CNTNAP2: variants seen among roughly 807,000 people sequenced by gnomAD.
CNTNAP2 encodes the protein contactin-associated protein-like 2.
In CNTNAP2, 98 loss-of-function variants were observed where a neutral mutation model predicts 155.2. That is an observed-to-expected ratio of 0.63 (90% CI 0.54 to 0.75). The LOEUF is 0.75. CNTNAP2 is among the 30% of genes least tolerant of loss of function. The pLI, the probability that CNTNAP2 is intolerant of heterozygous loss-of-function variation, is 0.00. For missense variants in CNTNAP2, 1,727 were observed against 1,688.1 expected (o/e 1.02, Z -0.40); for synonymous variants, 651 against 631.2 (o/e 1.03, Z -0.47).
chr7:147,855,246 A>C (rs1342493859), intron 13 of CNTNAP2, among the ~76,000 whole-genome samples: 1 of 152,076 alleles, frequency 6.6e-6, no homozygotes, highest in Non-Finnish European at 1.5e-5. Context: ...GGGGAGAAGG[A>C]GAAAACCTTC....
intron 10 of CNTNAP2, among the ~76,000 whole-genome samples, chr7:147,470,733 A>G (rs565498085): frequency 6.6e-6 from 1 of 152,198 alleles, no homozygotes; most frequent in East Asian, 1.9e-4. Flanking sequence ...TTCAGAGGCA[A>G]AAATATGCTT....
intron 8 of CNTNAP2, among the ~76,000 whole-genome samples, chr7:147,262,231 A>C (rs1283106245): frequency 1.3e-5 from 2 of 152,216 alleles, no homozygotes; most frequent in African/African-American, 4.8e-5. Context: ...AAAAACCTGC[A>C]ATGATTTTAC....
chr7:147,647,725 T>C (rs1795390822), intron 13 of CNTNAP2, among the ~76,000 whole-genome samples: 1 of 152,134 alleles, frequency 6.6e-6, no homozygotes, highest in Non-Finnish European at 1.5e-5. Context: ...AAAACACTAA[T>C]TTTAAAAGGG....
At chr7:146,499,285 C>T (rs773149594) in intron 1 of CNTNAP2, among the ~76,000 whole-genome samples, 4 of 152,126 alleles carry the variant, frequency 2.6e-5, no homozygotes, top group Non-Finnish European at 4.4e-5. Context: ...TGGGTTCAAG[C>T]GATTCTCCTG....
intron 11 of CNTNAP2, among the ~76,000 whole-genome samples, chr7:147,550,901 A>G (rs938043242): frequency 4.6e-5 from 7 of 152,212 alleles, no homozygotes; most frequent in Admixed American, 3.3e-4. Context: ...TTAAACCACA[A>G]TGCTGTAAGA....
chr7:147,585,779 GTGTGTGTGTGTATATA>G (rs1326338366), intron 12 of CNTNAP2, among the ~76,000 whole-genome samples: 4 of 151,318 alleles, frequency 2.6e-5, no homozygotes, highest in Non-Finnish European at 5.9e-5. Context: ...ATATATATGT[GTGTGTGTGTGTATATA>G]TGTGTGTGTG....
intron 12 of CNTNAP2, among the ~76,000 whole-genome samples, chr7:147,565,595 T>C (rs1800155546): frequency 6.6e-6 from 1 of 152,078 alleles, no homozygotes; most frequent in African/African-American, 2.4e-5. Context: ...TGATGAGAAA[T>C]TGATACATTT....
intron 8 of CNTNAP2, among the ~76,000 whole-genome samples, chr7:147,271,483 T>G (rs1391862005): frequency 6.6e-6 from 1 of 152,164 alleles, no homozygotes; most frequent in Non-Finnish European, 1.5e-5. Context: ...TTATCCCTAA[T>G]GCATGCTCTG....
intron 3 of CNTNAP2, among the ~76,000 whole-genome samples, chr7:147,036,364 A>G (rs1382959041): frequency 6.6e-6 from 1 of 152,196 alleles, no homozygotes; most frequent in East Asian, 1.9e-4. Context: ...AACTTCAGGG[A>G]TGTTTATTCT....
At chr7:147,234,101 C>A (rs1385273608) in intron 8 of CNTNAP2, among the ~76,000 whole-genome samples, 2 of 150,284 alleles carry the variant, frequency 1.3e-5, no homozygotes, top group African/African-American at 4.9e-5. Context: ...GATTTTATAA[C>A]CTCAAACTCA....
intron 8 of CNTNAP2, among the ~76,000 whole-genome samples, chr7:147,194,622 T>C (rs561063058): frequency 5.2e-4 from 79 of 152,334 alleles, no homozygotes; most frequent in African/African-American, 1.9e-3. Context: ...CCCTTCTCAC[T>C]GGAATGAGAT....
chr7:147,533,194 A>G (rs559996218), intron 11 of CNTNAP2, among the ~76,000 whole-genome samples: 1 of 152,330 alleles, frequency 6.6e-6, no homozygotes, highest in African/African-American at 2.4e-5. Flanking sequence ...TTGATCTTAG[A>G]AAAAACTAAA....
intron 15 of CNTNAP2, among the ~76,000 whole-genome samples, chr7:148,039,460 T>C (rs1322947144): frequency 3.9e-5 from 6 of 152,070 alleles, no homozygotes; most frequent in Admixed American, 2.0e-4. Flanking sequence ...CACCCAGAAA[T>C]AATTTTTACC....
At chr7:147,226,391 T>C (rs1803543452) in intron 8 of CNTNAP2, among the ~76,000 whole-genome samples, 1 of 152,072 alleles carries the variant, frequency 6.6e-6, no homozygotes, top group African/African-American at 2.4e-5. Flanking sequence ...GAGAACATGG[T>C]CTAAAAACAA....
In CNTNAP2 at chr7:146,132,386, A is replaced by G. The variant is rs916106466; in HGVS notation, c.97+15413A>G. ...ATTCAGTAAATCTGGAGTGGAACCT[A>G]TAATGTAACATTTATTTATTTATTT... On this transcript the variant is annotated intron_variant, in intron 1 of 23. Transcript: ENST00000361727. Among the ~76,000 whole-genome samples, 13 of 152,118 alleles carry G rather than the reference A, an allele frequency of 8.5e-5. No individual in the cohort carries two copies. The East Asian group carries it at 1.7e-3, about 20-fold the overall frequency.
At chr7:147,875,539 C>T (rs972399085) in intron 13 of CNTNAP2, among the ~76,000 whole-genome samples, 1 of 152,006 alleles carries the variant, frequency 6.6e-6, no homozygotes, top group Non-Finnish European at 1.5e-5. Context: ...AGAGCCAAAC[C>T]ATATCAAAAA....
intron 1 of CNTNAP2, among the ~76,000 whole-genome samples, chr7:146,728,864 G>A (rs1801477427): frequency 6.6e-6 from 1 of 152,122 alleles, no homozygotes; most frequent in Non-Finnish European, 1.5e-5. Flanking sequence ...CATAGAAGGG[G>A]ATGGCCTCTT....
intron 13 of CNTNAP2, among the ~76,000 whole-genome samples, chr7:147,893,956 C>T (rs1033703933): frequency 2.0e-5 from 3 of 152,170 alleles, no homozygotes; most frequent in African/African-American, 4.8e-5. Context: ...TTCCTGGAAG[C>T]GTACACATCC....
chr7:148,131,584 A>G (rs1051715737), intron 16 of CNTNAP2, among the ~76,000 whole-genome samples: 3 of 152,258 alleles, frequency 2.0e-5, no homozygotes, highest in Non-Finnish European at 4.4e-5. Context: ...GACAGACGGA[A>G]GAAAGATATG....
Sources: allele counts gnomAD v4.1 joint callset (sites outside exome capture counted in the v4.1 genomes callset), GRCh38; gene constraint gnomAD v4.1.1; transcripts MANE v1.5; gene names NCBI Gene and HGNC (gene_info 2026-07-23, HGNC 2026-07-21).